Variants in ASIC2 observed in about 807,000 individuals in gnomAD.
ASIC2 encodes acid sensing ion channel subunit 2.
In ASIC2, 25 loss-of-function variants were observed where a neutral mutation model predicts 57.3. That is an observed-to-expected ratio of 0.44 (90% CI 0.32 to 0.61). The LOEUF (loss-of-function observed/expected upper bound fraction) is 0.61, where lower values mean the gene tolerates loss of function less well. Among genes scored for constraint, ASIC2 ranks in the 20% least tolerant of loss-of-function variants. The pLI is 0.06. For synonymous variants in ASIC2, 319 were observed against 307.5 expected, an observed-to-expected ratio of 1.04 and a Z score of -0.39; for missense variants, 641 against 738.1, an observed-to-expected ratio of 0.87 and a Z score of 1.52.
At chr17:33,587,313 T>C (rs1293615208) in intron 1 of ASIC2, among the ~76,000 whole-genome samples, 1 of 152,182 alleles carries the variant, frequency 6.6e-6, no homozygotes, top group Admixed American at 6.5e-5. Flanking sequence ...ATTTAGCGTT[T>C]CACTTAATGA....
At chr17:33,507,675 A>T (rs1914307255) in intron 1 of ASIC2, among the ~76,000 whole-genome samples, 1 of 152,120 alleles carries the variant, frequency 6.6e-6, no homozygotes, top group Non-Finnish European at 1.5e-5. Flanking sequence ...AGGCAGAGGC[A>T]GGTGGAGCAC....
chr17:33,233,018 G>T (rs933759834), intron 1 of ASIC2, among the ~76,000 whole-genome samples: 1 of 152,096 alleles, frequency 6.6e-6, no homozygotes, highest in African/African-American at 2.4e-5. Context: ...GGGGAAGGGG[G>T]CTTTGGAAGG....
chr17:33,463,488 A>G (rs149572722), intron 1 of ASIC2, among the ~76,000 whole-genome samples: 6 of 152,306 alleles, frequency 3.9e-5, no homozygotes, highest in Admixed American at 1.3e-4. Context: ...AATATTTCCA[A>G]TGTCTGTCAG....
At chr17:33,072,894 T>A (rs2092074863) in intron 3 of ASIC2, among the ~76,000 whole-genome samples, 1 of 152,198 alleles carries the variant, frequency 6.6e-6, no homozygotes, top group Non-Finnish European at 1.5e-5. Context: ...CTCCCCCTGC[T>A]AGAAAACACA....
chr17:33,162,950 T>C (rs946538072), intron 1 of ASIC2, among the ~76,000 whole-genome samples: 9 of 152,232 alleles, frequency 5.9e-5, no homozygotes, highest in Admixed American at 1.3e-4. Context: ...CTTTTATACC[T>C]AAAGTGATCA....
chr17:33,782,211 T>C (rs1911475338), intron 1 of ASIC2, among the ~76,000 whole-genome samples: 1 of 152,214 alleles, frequency 6.6e-6, no homozygotes, highest in African/African-American at 2.4e-5. Context: ...CTTTTGTGTA[T>C]GTCCAAAAAC....
intron 1 of ASIC2, among the ~76,000 whole-genome samples, chr17:33,139,840 G>C (rs114455146): frequency 0.023 from 3,530 of 152,296 alleles, 143 homozygotes; most frequent in African/African-American, 0.081. Context: ...AGGAAGAAAT[G>C]AGTGTCAGCC....
intron 6 of ASIC2, among the ~76,000 whole-genome samples, chr17:33,023,545 T>C (rs1243844788): frequency 6.6e-6 from 1 of 151,978 alleles, no homozygotes; most frequent in South Asian, 2.1e-4. Context: ...GTCACCTCAT[T>C]GCAAGCTGCA....
At chr17:33,205,086 C>G (rs1907011601) in intron 1 of ASIC2, among the ~76,000 whole-genome samples, 1 of 152,242 alleles carries the variant, frequency 6.6e-6, no homozygotes, top group Non-Finnish European at 1.5e-5. Context: ...TTTGTTGCCA[C>G]CTGATCACCA....
At chr17:34,108,181 A>G (rs1911132437) in intron 1 of ASIC2, among the ~76,000 whole-genome samples, 1 of 152,178 alleles carries the variant, frequency 6.6e-6, no homozygotes, top group South Asian at 2.1e-4. Flanking sequence ...CCATTGAGTG[A>G]CTGTGCCATA....
intron 1 of ASIC2, among the ~76,000 whole-genome samples, chr17:33,559,334 A>G (rs746589572): frequency 1.3e-5 from 2 of 152,118 alleles, no homozygotes; most frequent in Non-Finnish European, 2.9e-5. Context: ...TACCCCACAG[A>G]TTCCAGTCAC....
At chr17:33,519,943 A>AT (rs1325909344) in intron 1 of ASIC2, among the ~76,000 whole-genome samples, 5 of 152,220 alleles carry the variant, frequency 3.3e-5, no homozygotes, top group Admixed American at 6.5e-5. Context: ...ATTTCAGAAC[A>AT]TTTTTTATGC....
At chr17:34,066,732 G>GT (rs1439929148) in intron 1 of ASIC2, among the ~76,000 whole-genome samples, 2 of 152,208 alleles carry the variant, frequency 1.3e-5, no homozygotes, top group African/African-American at 4.8e-5. Context: ...TGTATCCAGT[G>GT]TTTTTGAATT....
At chr17:34,090,689 T>G (rs903337118) in intron 1 of ASIC2, among the ~76,000 whole-genome samples, 1 of 152,220 alleles carries the variant, frequency 6.6e-6, no homozygotes, top group African/African-American at 2.4e-5. Context: ...TGCTAAACTC[T>G]GGCAACTTCC....
chr17:33,472,073 G>A (rs1913071326), intron 1 of ASIC2, among the ~76,000 whole-genome samples: 1 of 148,950 alleles, frequency 6.7e-6, no homozygotes, highest in African/African-American at 2.5e-5. Context: ...AGGCTGGAGT[G>A]CAATGGCGTG....
intron 1 of ASIC2, among the ~76,000 whole-genome samples, chr17:33,671,433 T>G (rs189632099): frequency 3.9e-5 from 6 of 152,306 alleles, no homozygotes; most frequent in Admixed American, 3.9e-4. Context: ...ACAACCATGA[T>G]AGCGTTCCCA....
At chr17:33,954,253 G>A (rs1052760232) in intron 1 of ASIC2, among the ~76,000 whole-genome samples, 5 of 152,128 alleles carry the variant, frequency 3.3e-5, no homozygotes, top group African/African-American at 1.2e-4. Context: ...CTGAGATGGG[G>A]AGGAGTGTGT....
intron 1 of ASIC2, among the ~76,000 whole-genome samples, chr17:33,201,246 CAGT>C (rs1906847022): frequency 6.6e-6 from 1 of 152,226 alleles, no homozygotes; most frequent in Non-Finnish European, 1.5e-5. Context: ...GTTCCTACAG[CAGT>C]GCTCGATCCA....
chr17:33,432,734 T>C (rs1911463201), intron 1 of ASIC2, among the ~76,000 whole-genome samples: 1 of 152,086 alleles, frequency 6.6e-6, no homozygotes, highest in African/African-American at 2.4e-5. Flanking sequence ...CATTAAAAAG[T>C]GGGCAAAGGA....
Sources: allele counts gnomAD v4.1 joint callset (sites outside exome capture counted in the v4.1 genomes callset), GRCh38; gene constraint gnomAD v4.1.1; transcripts MANE v1.5; gene names NCBI Gene and HGNC (gene_info 2026-07-23, HGNC 2026-07-21).